Variants in ZEB1 observed in about 807,000 individuals in gnomAD.
ZEB1 encodes the protein zinc finger E-box binding homeobox 1, also known as zinc finger E-box-binding homeobox 1.
ZEB1 carries 21 observed loss-of-function variants against 84.9 expected under a neutral mutation model. The ratio of observed to expected loss-of-function variants is 0.25; its 90% CI spans 0.18 to 0.36. ZEB1 has a LOEUF of 0.36. ZEB1 is among the 10% of genes least tolerant of loss of function. The pLI, the probability that ZEB1 is intolerant of heterozygous loss-of-function variation, is 1.00. For synonymous variants in ZEB1, 420 were observed against 471.1 expected, an observed-to-expected ratio of 0.89 and a Z score of 1.41; for missense variants, 1,104 against 1,330.2, an observed-to-expected ratio of 0.83 and a Z score of 2.65.
intron 1 of ZEB1, among the ~76,000 whole-genome samples, chr10:31,411,179 C>T (rs2054168893): frequency 1.3e-5 from 2 of 152,302 alleles, no homozygotes; most frequent in African/African-American, 4.8e-5. Context: ...GACCACAGTG[C>T]AATCAAATTA....
chr10:31,337,305 A>C (rs929228186), intron 1 of ZEB1, among the ~76,000 whole-genome samples: 1 of 152,150 alleles, frequency 6.6e-6, no homozygotes, highest in African/African-American at 2.4e-5. Flanking sequence ...AAATTTAGGA[A>C]TGAGTGAATT....
chr10:31,440,013 G>T (rs1334959775), intron 1 of ZEB1, among the ~76,000 whole-genome samples: 1 of 152,216 alleles, frequency 6.6e-6, no homozygotes, highest in Non-Finnish European at 1.5e-5. Context: ...ACCAGTGACA[G>T]TACTCGAAGT....
intron 1 of ZEB1, among the ~76,000 whole-genome samples, chr10:31,449,939 A>C (rs548881661): frequency 9.2e-5 from 14 of 152,342 alleles, no homozygotes; most frequent in African/African-American, 3.4e-4. Flanking sequence ...GCAATGAGGA[A>C]ACTGAGACAT....
intron 1 of ZEB1, among the ~76,000 whole-genome samples, chr10:31,410,741 A>G (rs1316406267): frequency 6.6e-6 from 1 of 152,118 alleles, no homozygotes; most frequent in Non-Finnish European, 1.5e-5. Flanking sequence ...GGGAGGGTAT[A>G]TGTGTCCAGG....
chr10:31,366,160 C>G (rs1242436102), intron 1 of ZEB1, among the ~76,000 whole-genome samples: 1 of 152,194 alleles, frequency 6.6e-6, no homozygotes, highest in Non-Finnish European at 1.5e-5. Flanking sequence ...ATCTCTCTGA[C>G]TAGCCCTGAA....
intron 1 of ZEB1, among the ~76,000 whole-genome samples, chr10:31,452,346 G>T (rs920706500): frequency 2.1e-4 from 32 of 151,610 alleles, no homozygotes; most frequent in Admixed American, 1.8e-3. Flanking sequence ...AATATATATA[G>T]ACAGTAAGCT....
chr10:31,439,029 A>G (rs981231861), intron 1 of ZEB1, among the ~76,000 whole-genome samples: 1 of 152,192 alleles, frequency 6.6e-6, no homozygotes, highest in Non-Finnish European at 1.5e-5. Flanking sequence ...AAATTTTTTT[A>G]AAGTAATATA....
chr10:31,372,773 T>G (rs759159241), intron 1 of ZEB1, among the ~76,000 whole-genome samples: 1 of 152,020 alleles, frequency 6.6e-6, no homozygotes, highest in Non-Finnish European at 1.5e-5. Context: ...TTTTATCTTG[T>G]ATTAATTTGG....
intron 1 of ZEB1, among the ~76,000 whole-genome samples, chr10:31,370,625 GC>G (rs2045528075): frequency 6.6e-6 from 1 of 152,140 alleles, no homozygotes; most frequent in Non-Finnish European, 1.5e-5. Context: ...TTGACTTTTT[GC>G]AATTTCCGGA....
chr10:31,327,123 AGACAGTTT>A (rs1339901542), intron 1 of ZEB1, among the ~76,000 whole-genome samples: 1 of 39,644 alleles, frequency 2.5e-5, no homozygotes, highest in Non-Finnish European at 4.7e-5. Context: ...TTTTTTTTTG[AGACAGTTT>A]GACAGTTTGA....
chr10:31,381,125 T>C (rs1425023285), intron 1 of ZEB1, among the ~76,000 whole-genome samples: 1 of 152,174 alleles, frequency 6.6e-6, no homozygotes, highest in Non-Finnish European at 1.5e-5. Context: ...TGTTACAAAT[T>C]TGTCCACCCG....
At chr10:31,345,864 T>C (rs1476477086) in intron 1 of ZEB1, among the ~76,000 whole-genome samples, 1 of 152,184 alleles carries the variant, frequency 6.6e-6, no homozygotes, top group Non-Finnish European at 1.5e-5. Context: ...AGAAATTCTT[T>C]TCCTTCTTCC....
intron 4 of ZEB1, 64 bp downstream of exon 4, chr10:31,502,573 A>T: frequency 1.2e-6 from 2 of 1,605,420 alleles, no homozygotes; most frequent in South Asian, 2.2e-5. Context: ...CTACCATTCT[A>T]CTATGGGAAC....
intron 5 of ZEB1, among the ~76,000 whole-genome samples, chr10:31,512,769 G>A (rs1462323758): frequency 1.3e-5 from 2 of 152,142 alleles, no homozygotes; most frequent in Admixed American, 6.5e-5. Context: ...GATAGAAAGT[G>A]ATGAAAGCTG....
intron 2 of ZEB1, among the ~76,000 whole-genome samples, chr10:31,469,332 T>A (rs889266034): frequency 6.6e-6 from 1 of 151,752 alleles, no homozygotes; most frequent in Non-Finnish European, 1.5e-5. Context: ...TGCCAGACAG[T>A]GGGCACAGGT....
At chr10:31,319,038 A>T, upstream of ZEB1, 2 of 608,808 alleles carry the variant, frequency 3.3e-6, no homozygotes, top group East Asian at 3.0e-5. Context: ...GTTGCCGCAA[A>T]CCGCCCGGTC....
intron 1 of ZEB1, among the ~76,000 whole-genome samples, chr10:31,406,831 A>G (rs975190592): frequency 2.6e-4 from 40 of 152,030 alleles, no homozygotes; most frequent in Non-Finnish European, 4.7e-4. Context: ...TTTAGGTCTT[A>G]TGTTTAAGTG....
Position 31,520,576 on chromosome 10 carries a change from A to G in ZEB1, c.1244A>G (p.Asn415Ser), listed in dbSNP as rs138491446. ...AGTATCAATTTAAGTGATATTCAGA[A>G]TGTACTTAAAGTGGCGGTAGATGGT... ...PISINLSDIQ[N>S]VLKVAVDGNV... is the part of the protein sequence containing the mutation. Residue 415 changes from asparagine to serine, a missense_variant, in exon 7 of 9, where the codon AAT (asparagine) becomes AGT (serine). By Grantham distance (46) the Asn-to-Ser change is conservative. This residue lies in a region of ZEB1 where 531 missense variants were observed against 575.2 expected (regional missense o/e 0.92). Transcript: ENST00000424869. This position sits in a 1 kb window ranked among gnomAD's most constrained non-coding sequence, Gnocchi z 5.1. 33 of 1,613,928 alleles carry G rather than the reference A, an allele frequency of 2.0e-5. No individual in the cohort carries two copies. The highest frequency in any genetic ancestry group is 2.5e-5 in the Non-Finnish European group (29 of 1,179,978).
At chr10:31,448,435 G>T (rs934718544) in intron 1 of ZEB1, among the ~76,000 whole-genome samples, 1 of 146,622 alleles carries the variant, frequency 6.8e-6, no homozygotes, top group African/African-American at 2.6e-5. Context: ...TCTCCATCCA[G>T]CTTTGTTCCG....
Sources: gnomAD v4.1 joint callset for allele counts (sites outside exome capture counted in the v4.1 genomes callset) on GRCh38, gnomAD v4.1.1 for gene constraint, gnomAD v4.1.1 regional missense constraint, Gnocchi (gnomAD v3.1) non-coding constraint, MANE v1.5 for transcripts, NCBI Gene and HGNC (gene_info 2026-07-23, HGNC 2026-07-21) for gene names.